Variants in RANBP2 observed in about 807,000 individuals in gnomAD.
RANBP2 encodes the protein RAN binding protein 2.
In RANBP2, 57 loss-of-function variants were observed where a neutral mutation model predicts 303.6. That is an observed-to-expected ratio of 0.19 (90% CI 0.15 to 0.23). RANBP2 has a LOEUF of 0.23. Ranked by LOEUF, RANBP2 falls within the 10% of genes least tolerant of loss-of-function variation. The pLI, the probability that RANBP2 is intolerant of heterozygous loss-of-function variation, is 1.00. For synonymous variants in RANBP2, 1,167 were observed against 1,301.5 expected (o/e 0.90, Z 2.23); for missense variants, 3,138 against 3,780.8 (o/e 0.83, Z 4.46).
chr2:109,494,311 A>G, the RANBP2 span, among the ~76,000 whole-genome samples: 1 of 152,258 alleles, frequency 6.6e-6, no homozygotes, highest in African/African-American at 2.4e-5. Flanking sequence ...CCTTGCACCC[A>G]AGCACTCTGT....
the RANBP2 span, among the ~76,000 whole-genome samples, chr2:109,623,180 C>T: frequency 1.9e-4 from 29 of 152,256 alleles, 1 homozygote; most frequent in South Asian, 6.2e-4. Flanking sequence ...TTGGCACAGG[C>T]GGGAGTGTTA....
the RANBP2 span, among the ~76,000 whole-genome samples, chr2:109,304,329 G>A: frequency 2.0e-5 from 3 of 152,114 alleles, no homozygotes; most frequent in African/African-American, 7.2e-5. Context: ...ATATAAGTGA[G>A]ATCATGTGGT....
At chr2:108,956,950 C>A in the RANBP2 span, among the ~76,000 whole-genome samples, 1 of 152,034 alleles carries the variant, frequency 6.6e-6, no homozygotes, top group East Asian at 1.9e-4. Flanking sequence ...CACCACGCCC[C>A]GCTAATTTTT....
chr2:109,737,668 G>A, the RANBP2 span: 3 of 203,030 alleles, frequency 1.5e-5, no homozygotes, highest in South Asian at 1.1e-4. Flanking sequence ...TTCCACAGTC[G>A]CTGTACTAAT....
chr2:109,497,735 G>A, the RANBP2 span, among the ~76,000 whole-genome samples: 2 of 152,218 alleles, frequency 1.3e-5, no homozygotes, highest in Admixed American at 6.5e-5. Flanking sequence ...TATAAATTCA[G>A]CCCACATCCA....
At chr2:109,720,906 A>G in the RANBP2 span, among the ~76,000 whole-genome samples, 4 of 152,140 alleles carry the variant, frequency 2.6e-5, no homozygotes, top group Non-Finnish European at 5.9e-5. Flanking sequence ...CCCTTCTAGC[A>G]CAATGCCAGA....
chr2:109,260,904 G>T, the RANBP2 span, among the ~76,000 whole-genome samples: 1 of 152,170 alleles, frequency 6.6e-6, no homozygotes, highest in Admixed American at 6.5e-5. Flanking sequence ...ACCCCATCCT[G>T]CCTCTGCTGT....
At chr2:109,219,739 G>T in the RANBP2 span, among the ~76,000 whole-genome samples, 35 of 152,318 alleles carry the variant, frequency 2.3e-4, no homozygotes, top group South Asian at 7.3e-3. Flanking sequence ...GACCAAAGAG[G>T]TGAAAGATTG....
chr2:108,789,018 CTG>C (rs1558959072), downstream of RANBP2: 1 of 1,595,236 alleles, frequency 6.3e-7, no homozygotes, highest in Non-Finnish European at 8.6e-7. Flanking sequence ...TCTCAAAAAA[CTG>C]AGAAAGAGAA....
chr2:108,987,231 C>G, the RANBP2 span, among the ~76,000 whole-genome samples: 3 of 152,232 alleles, frequency 2.0e-5, no homozygotes, highest in Non-Finnish European at 4.4e-5. Flanking sequence ...AACCACAAAA[C>G]GCACTCACTT....
the RANBP2 span, among the ~76,000 whole-genome samples, chr2:109,069,568 G>A: frequency 6.6e-6 from 1 of 152,232 alleles, no homozygotes; most frequent in African/African-American, 2.4e-5. Flanking sequence ...AAGAGTGAGT[G>A]GCATGGCCTG....
the RANBP2 span, among the ~76,000 whole-genome samples, chr2:109,332,319 T>G: frequency 5.9e-5 from 9 of 152,086 alleles, no homozygotes; most frequent in South Asian, 6.2e-4. Context: ...TCCTCCTGAT[T>G]CTGTGTTCTG....
chr2:109,418,478 C>T, the RANBP2 span, among the ~76,000 whole-genome samples: 3 of 152,140 alleles, frequency 2.0e-5, no homozygotes, highest in Non-Finnish European at 4.4e-5. Flanking sequence ...TGGTGGCTGC[C>T]GGCATCCTCA....
chr2:108,763,185 A>G, intron 19 of RANBP2, 52 bp from the exon 20 acceptor site: 1 of 1,579,926 alleles, frequency 6.3e-7, no homozygotes, highest in Non-Finnish European at 8.7e-7. Context: ...GCATTTAGTT[A>G]TCTGTAGTTT....
chr2:109,155,122 G>A, the RANBP2 span, among the ~76,000 whole-genome samples: 1 of 152,202 alleles, frequency 6.6e-6, no homozygotes, highest in Admixed American at 6.5e-5. Context: ...AAGGCATTTT[G>A]CAAACTACAA....
the RANBP2 span, among the ~76,000 whole-genome samples, chr2:109,683,736 C>A: frequency 2.0e-5 from 3 of 152,120 alleles, no homozygotes; most frequent in African/African-American, 7.2e-5. Context: ...CCTGCCCAGG[C>A]CCGGCACTCT....
chr2:108,841,975 AC>A, the RANBP2 span, among the ~76,000 whole-genome samples: 1 of 152,030 alleles, frequency 6.6e-6, no homozygotes. Context: ...GATGGAGAGT[AC>A]CCCTCCAATG....
At chr2:109,565,811 C>A in the RANBP2 span, 1 of 1,614,014 alleles carries the variant, frequency 6.2e-7, no homozygotes, top group Non-Finnish European at 8.5e-7. Flanking sequence ...ATCTTGTTTC[C>A]GACTTTTACC....
the RANBP2 span, among the ~76,000 whole-genome samples, chr2:109,466,544 T>C: frequency 6.6e-6 from 1 of 152,256 alleles, no homozygotes; most frequent in African/African-American, 2.4e-5. Context: ...TCTCATTCTC[T>C]TGACAGTATC....
Sources: gnomAD v4.1 joint callset for allele counts (sites outside exome capture counted in the v4.1 genomes callset) on GRCh38, gnomAD v4.1.1 for gene constraint, MANE v1.5 for transcripts, NCBI Gene and HGNC (gene_info 2026-07-23, HGNC 2026-07-21) for gene names.